The following MT1F variants were observed in gnomAD, a reference collection of about 807,000 sequenced individuals.
MT1F encodes metallothionein 1F.
In MT1F, 6 loss-of-function variants were observed where a neutral mutation model predicts 5.4. The ratio of observed to expected loss-of-function variants is 1.11; its 90% confidence interval spans 0.61 to 2.19. The LOEUF is 2.19. Among genes scored for constraint, MT1F ranks in the 30% most tolerant of loss-of-function variants. The pLI, the probability that MT1F is intolerant of heterozygous loss-of-function variation, is 0.00. For missense variants in MT1F, 82 were observed against 77.0 expected (o/e 1.07, Z -0.24); for synonymous variants, 28 against 28.3 (o/e 0.99, Z 0.04).
In MT1F at chr16:56,658,947, T is replaced by C. The variant is rs529165170; in HGVS notation, c.95-126T>C. The C allele has an allele frequency of 2.4e-5, 26 of 1,078,612 alleles. No individual in the cohort carries two copies. In the African/African-American group the frequency reaches 3.4e-4, roughly 14 times the overall value. The allele number at this position is 1,078,612 out of a possible 1,614,324, so 66.8% of individuals were successfully genotyped here. On this transcript the variant is annotated intron_variant, in intron 2 of 2. Coordinates refer to ENST00000334350, the MANE Select transcript of MT1F (RefSeq NM_005949.4). Reference sequence around the variant, plus strand: ...CCCCAGATATTTCCCAGTTGTCTCCTGACAAAGCCATACCCTCCTGAACTG... The same window carrying C: ...CCCCAGATATTTCCCAGTTGTCTCCCGACAAAGCCATACCCTCCTGAACTG...
rs749593125 is a variant in MT1F at position 56,658,724 on chromosome 16, C to T, written c.78C>T (p.Cys26=). The change falls in exon 2 of 3, where the codon TGC becomes TGT. Residue 26 remains cysteine, a synonymous_variant. Transcript: ENST00000334350. The stretch of plus-strand genomic sequence containing the variant: ...CCTGCAAGTGCAAAGAGTGCAAATG[C>T]ACCTCCTGCAAGAAGAGTGAGTGTG... ...AGSCKCKECK[C]TSCKKSCCSC... The T allele has an allele frequency of 1.2e-6, 2 of 1,614,208 alleles. No homozygotes were observed. Among genetic ancestry groups the T allele is most frequent in the South Asian group, 2.2e-5 (2 of 91,088 alleles).
rs967740088 is a variant in MT1F, at chr16:56,658,703, C to A, written c.57C>A (p.Cys19Ter). The A allele has an allele frequency of 1.2e-6, 2 of 1,614,194 alleles. No individual in the cohort carries two copies. The highest frequency in any genetic ancestry group is 1.7e-6 in the Non-Finnish European group (2 of 1,180,032). The change falls in exon 2 of 3, where the codon TGC (cysteine) becomes TGA (stop). Residue 19 changes from cysteine to a stop codon, truncating the protein, a stop_gained. Transcript: ENST00000334350. LOFTEE classifies it low-confidence loss of function (END_TRUNC). ...AGVSCTCAGS[C>*]KCKECKCTSC... The stretch of plus-strand genomic sequence containing the variant: ...TCTCCTGCACCTGCGCTGGTTCCTG[C>A]AAGTGCAAAGAGTGCAAATGCACCT...
intron 1 of MT1F, 58 bp from the exon 2 acceptor site, chr16:56,658,617 T>A (rs1960650512): frequency 3.2e-6 from 5 of 1,574,842 alleles, no homozygotes; most frequent in Non-Finnish European, 4.4e-6. Context: ...ATTAACTCAC[T>A]GCTGTACCTC....
In MT1F at chr16:56,659,089, C is replaced by G. The variant is rs372216013; in HGVS notation, c.111C>G (p.Cys37Trp). The change falls in exon 3 of 3, where the codon TGC becomes TGG. Residue 37 changes from cysteine to tryptophan, a missense_variant. By Grantham distance (215) the Cys-to-Trp change is radical. Coordinates refer to ENST00000334350, the MANE Select transcript of MT1F (RefSeq NM_005949.4). ...TSCKKSCCSC[C>W]PVGCSKCAQG... Reference sequence around the variant, plus strand: ...CTTCCCCAGGCTGCTGCTCCTGCTGCCCCGTGGGCTGTAGCAAGTGTGCCC... The same window carrying G: ...CTTCCCCAGGCTGCTGCTCCTGCTGGCCCGTGGGCTGTAGCAAGTGTGCCC... 5.0e-6 allele frequency: 8 copies of G among 1,613,796 alleles called. No individual in the cohort carries two copies. Among genetic ancestry groups the G allele is most frequent in the Non-Finnish European group, 5.1e-6 (6 of 1,179,994 alleles).
In MT1F at chr16:56,659,265, G is replaced by A; in HGVS notation, c.*101G>A. The A allele has an allele frequency of 9.2e-7, 1 of 1,087,952 alleles. No individual in the cohort carries two copies. Among genetic ancestry groups the A allele is most frequent in the Non-Finnish European group, 1.4e-6 (1 of 728,796 alleles). 67.4% of individuals were successfully genotyped at this position (1,087,952 alleles called of 1,614,324 possible). A position where few individuals can be genotyped will look rare whatever the true frequency, so the allele number is the denominator to read the frequency against. On this transcript the variant is annotated 3_prime_UTR_variant, in exon 3 of 3. Transcript: ENST00000334350. Reference sequence around the variant, plus strand: ...ACCCATTTGCTACATTCCTTTTCCTGTGAAATATGTGAGTGATAATTAAAC... The same window carrying A: ...ACCCATTTGCTACATTCCTTTTCCTATGAAATATGTGAGTGATAATTAAAC...
At chr16:56,658,338 T>G (rs1960646743) in intron 1 of MT1F, 1 of 587,752 alleles carries the variant, frequency 1.7e-6, no homozygotes, top group East Asian at 2.9e-5. Context: ...GGCTGTTGGC[T>G]GAGCCCCAGT....
At chr16:56,658,616 C>T (rs1049335128) in intron 1 of MT1F, 59 bp from the exon 2 acceptor site, 9 of 1,571,680 alleles carry the variant, frequency 5.7e-6, no homozygotes, top group Non-Finnish European at 2.6e-6. Context: ...CATTAACTCA[C>T]TGCTGTACCT....
In MT1F at chr16:56,659,216, G is replaced by A. The variant is rs1242021643; in HGVS notation, c.*52G>A. 6.3e-7 allele frequency: 1 copy of A among 1,585,394 alleles called. No individual in the cohort carries two copies. The highest frequency in any genetic ancestry group is 1.4e-5 in the African/African-American group (1 of 73,674). ...TAAACAGAGAGACATGTACAAACCT[G>A]GATTTTTTTTTTATACCACCTTGAC... On this transcript the variant is annotated 3_prime_UTR_variant, in exon 3 of 3. Transcript: ENST00000334350.
intron 2 of MT1F, 155 bp from the exon 3 acceptor site, chr16:56,658,918 C>T (rs1228951573): frequency 5.7e-6 from 6 of 1,048,370 alleles, no homozygotes; most frequent in Middle Eastern, 2.3e-4. Flanking sequence ...CATAGGAAGA[C>T]CCACCCCAGA....
chr16:56,658,208 C>T, intron 1 of MT1F, 122 bp downstream of exon 1: 1 of 1,102,058 alleles, frequency 9.1e-7, no homozygotes, highest in Non-Finnish European at 1.3e-6. Flanking sequence ...TGACTTAGTC[C>T]AGTGCTTTCC....
intron 1 of MT1F, 133 bp downstream of exon 1, chr16:56,658,219 T>C: frequency 9.9e-7 from 1 of 1,010,656 alleles, no homozygotes; most frequent in South Asian, 1.5e-5. Context: ...AGTGCTTTCC[T>C]CTTGGCCAAG....
Position 56,659,171 on chromosome 16 carries a change from GACA to G in MT1F, c.*10_*12del, listed in dbSNP as rs1960661503. 3.1e-6 allele frequency: 5 copies of G among 1,613,804 alleles called. No individual in the cohort carries two copies. The highest frequency in any genetic ancestry group is 4.2e-6 in the Non-Finnish European group (5 of 1,179,898). On this transcript the variant is annotated 3_prime_UTR_variant, in exon 3 of 3. Transcript: ENST00000334350. ...GTGCAGCTGCTGCGACTGATGCCAG[GACA>G]ACCTTTCTCCCAGATGTAAACAGAG... is the stretch of plus-strand genomic sequence containing the variant.
intron 2 of MT1F, 165 bp from the exon 3 acceptor site, chr16:56,658,908 C>T (rs1356588326): frequency 9.3e-7 from 1 of 1,075,258 alleles, no homozygotes; most frequent in East Asian, 2.4e-5. Flanking sequence ...GCAGCTTTCT[C>T]ATAGGAAGAC....
At chr16:56,658,155 T>C (rs2144339015) in intron 1 of MT1F, 69 bp downstream of exon 1, 1 of 1,575,040 alleles carries the variant, frequency 6.3e-7, no homozygotes, top group African/African-American at 1.4e-5. Flanking sequence ...GTTCCTGGGT[T>C]TGAGAAGGTC....
Position 56,659,174 on chromosome 16 carries a change from A to ATC in MT1F, c.*10_*11insTC. 6.2e-7 allele frequency: 1 copy of ATC among 1,613,780 alleles called. No individual in the cohort carries two copies. Among genetic ancestry groups the ATC allele is most frequent in the Non-Finnish European group, 8.5e-7 (1 of 1,179,832 alleles). ...CAGCTGCTGCGACTGATGCCAGGAC[A>ATC]ACCTTTCTCCCAGATGTAAACAGAG... is the stretch of plus-strand genomic sequence containing the variant. On this transcript the variant is annotated 3_prime_UTR_variant, in exon 3 of 3. Transcript: ENST00000334350.
Position 56,659,182 on chromosome 16 carries a change from T to C in MT1F, c.*18T>C, listed in dbSNP as rs765142885. The C allele has an allele frequency of 3.7e-6, 6 of 1,613,294 alleles. No homozygotes were observed. The African/African-American group carries it at 8.0e-5, about 22-fold the overall frequency. On this transcript the variant is annotated 3_prime_UTR_variant, in exon 3 of 3. Coordinates refer to ENST00000334350, the MANE Select transcript of MT1F (RefSeq NM_005949.4). The stretch of plus-strand genomic sequence containing the variant: ...GCGACTGATGCCAGGACAACCTTTC[T>C]CCCAGATGTAAACAGAGAGACATGT...
In MT1F at chr16:56,658,100, G is replaced by C. The variant is rs960687190; in HGVS notation, c.28+14G>C. The C allele has an allele frequency of 3.1e-6, 5 of 1,613,942 alleles. No individual in the cohort carries two copies. The South Asian group carries it at 4.4e-5, about 14-fold the overall frequency. On this transcript the variant is annotated intron_variant, in intron 1 of 2. Transcript: ENST00000334350. Reference sequence around the variant, plus strand: ...CCTGCGCCGCTGGTAAGGAACGCCGGGTTCCGTGCCTGGGGATGCTCGATT... The same window carrying C: ...CCTGCGCCGCTGGTAAGGAACGCCGCGTTCCGTGCCTGGGGATGCTCGATT...
In MT1F at chr16:56,658,871, G is replaced by A. The variant is rs139998293; in HGVS notation, c.94+131G>A. 1,406 of 1,283,196 alleles carry A rather than the reference G, an allele frequency of 1.1e-3. 9 individuals carry two copies. The African/African-American group carries it at 0.019, about 17-fold the overall frequency. The allele number at this position is 1,283,196 out of a possible 1,614,324, so 79.5% of individuals were successfully genotyped here. ...CCCGTAGGTTGTCACTGCCTTTCTA[G>A]TCTTCTGCCCTGTGCAGGGCGCCTG... On this transcript the variant is annotated intron_variant, in intron 2 of 2. Coordinates refer to ENST00000334350, the MANE Select transcript of MT1F (RefSeq NM_005949.4).
At chr16:56,658,959 A>G (rs1287250387) in intron 2 of MT1F, 114 bp from the exon 3 acceptor site, 8 of 1,091,974 alleles carry the variant, frequency 7.3e-6, no homozygotes, top group Non-Finnish European at 1.1e-5. Context: ...ACAAAGCCAT[A>G]CCCTCCTGAA....
Sources: gnomAD v4.1 joint callset for allele counts on GRCh38, gnomAD v4.1.1 for gene constraint, MANE v1.5 for transcripts, NCBI Gene and HGNC (gene_info 2026-07-23, HGNC 2026-07-21) for gene names.